UNC93A: variants seen among roughly 807,000 people sequenced by gnomAD.
UNC93A encodes the protein unc-93 homolog A.
UNC93A carries 43 observed loss-of-function variants against 47.5 expected under a neutral mutation model. That is an observed-to-expected ratio of 0.91 (90% CI 0.71 to 1.17). UNC93A has a LOEUF of 1.17. Among genes scored for constraint, UNC93A ranks in the 50% most tolerant of loss-of-function variants. UNC93A has a pLI of 0.00. For synonymous variants in UNC93A, 280 were observed against 258.0 expected, an observed-to-expected ratio of 1.09 and a Z score of -0.82; for missense variants, 605 against 577.6, an observed-to-expected ratio of 1.05 and a Z score of -0.49.
chr6:167,291,496 A>G lies in UNC93A; in HGVS notation c.7A>G (p.Arg3Gly). The change falls in exon 1 of 8, where the codon AGA becomes GGA. Residue 3 changes from arginine to glycine, a missense_variant. Coordinates refer to ENST00000230256, the MANE Select transcript of UNC93A (RefSeq NM_018974.4). MDRSLRNVLVVSF... is the reference protein window; with the variant it reads MDGSLRNVLVVSF... Reference sequence around the variant, plus strand: ...GATCTTTTCATCCAGCACAATGGACAGAAGTCTAAGGAACGTCCTTGTGGT... The same window carrying G: ...GATCTTTTCATCCAGCACAATGGACGGAAGTCTAAGGAACGTCCTTGTGGT... The G allele has an allele frequency of 6.2e-7, 1 of 1,613,804 alleles. No individual in the cohort carries two copies. The highest frequency in any genetic ancestry group is 8.5e-7 in the Non-Finnish European group (1 of 1,179,900).
At chr6:167,297,888 C>T (rs1453207377) in intron 3 of UNC93A, 57 bp from the exon 4 acceptor site, 7 of 1,594,328 alleles carry the variant, frequency 4.4e-6, no homozygotes, top group African/African-American at 1.3e-5. Flanking sequence ...TCTCAAGAAC[C>T]TACATCTTGT....
chr6:167,285,938 TTCTCTCTCTC>T (rs138265267), intron 1 of UNC93A, among the ~76,000 whole-genome samples: 1 of 131,744 alleles, frequency 7.6e-6, no homozygotes, highest in Non-Finnish European at 1.6e-5. Context: ...TTAGTTTTCT[TTCTCTCTCTC>T]TCTCTCTCTC....
intron 1 of UNC93A, among the ~76,000 whole-genome samples, 154 bp from the exon 2 acceptor site, chr6:167,294,363 C>A (rs114726951): frequency 1.3e-5 from 2 of 152,178 alleles, no homozygotes; most frequent in African/African-American, 4.8e-5. Flanking sequence ...TTTCTCCCAC[C>A]AGCTTCAGAG....
chr6:167,309,852 C>A (rs144414505), intron 7 of UNC93A, among the ~76,000 whole-genome samples: 2,086 of 152,236 alleles, frequency 0.014, 65 homozygotes, highest in Admixed American at 0.086. Flanking sequence ...GCAGGTGGAC[C>A]TAGTGAAGCT....
At chr6:167,312,218 T>C (rs1778578209) in intron 7 of UNC93A, among the ~76,000 whole-genome samples, 1 of 151,086 alleles carries the variant, frequency 6.6e-6, no homozygotes, top group Admixed American at 6.6e-5. Flanking sequence ...GGCACTTTCT[T>C]GTCCCGTCAT....
chr6:167,312,875 C>T (rs990865840), intron 7 of UNC93A, among the ~76,000 whole-genome samples: 1 of 152,202 alleles, frequency 6.6e-6, no homozygotes, highest in Non-Finnish European at 1.5e-5. Context: ...CCCTGAAAAG[C>T]CTGAGTTTAA....
At chr6:167,301,344 G>C (rs1009593) in intron 4 of UNC93A, among the ~76,000 whole-genome samples, 45,687 of 152,042 alleles carry the variant, frequency 0.3, 6,919 homozygotes, top group Admixed American at 0.37. Context: ...ATGAAGAAGT[G>C]GTCTTACTAT....
chr6:167,304,648 G>T (rs987032538), intron 5 of UNC93A, among the ~76,000 whole-genome samples: 1 of 151,508 alleles, frequency 6.6e-6, no homozygotes, highest in South Asian at 2.1e-4. Context: ...TCAGCTCACC[G>T]CAACCTCTGC....
At chr6:167,308,377 A>T (rs3736678) in intron 7 of UNC93A, among the ~76,000 whole-genome samples, 2 of 151,876 alleles carry the variant, frequency 1.3e-5, no homozygotes, top group African/African-American at 2.4e-5. Context: ...AGCCACACAC[A>T]TCACAGGTCA....
In UNC93A at chr6:167,307,829, C is replaced by G; in HGVS notation, c.1027C>G (p.Arg343Gly). ...GATTGCCCTACTGCTGTGGAGACCT[C>G]GTGCTGACCATCTGGCAGTGTTCTT... Reference protein sequence around the residue: ...CMIALLLWRPRADHLAVFFVF... With the variant: ...CMIALLLWRPGADHLAVFFVF... The change falls in exon 7 of 8, where the codon CGT (arginine) becomes GGT (glycine). Residue 343 changes from arginine to glycine, a missense_variant. Physicochemically the swap from Arg to Gly is moderately radical, Grantham distance 125 (BLOSUM62 -2). Coordinates refer to ENST00000230256, the MANE Select transcript of UNC93A (RefSeq NM_018974.4). 1.2e-6 allele frequency: 2 copies of G among 1,614,116 alleles called. No individual in the cohort carries two copies. The highest frequency in any genetic ancestry group is 1.7e-6 in the Non-Finnish European group (2 of 1,179,972).
At chr6:167,287,813 T>C (rs1376982551), upstream of UNC93A, among the ~76,000 whole-genome samples, 2 of 152,086 alleles carry the variant, frequency 1.3e-5, no homozygotes, top group African/African-American at 4.8e-5. Flanking sequence ...CCCCTGACTA[T>C]GAGAGTGGAA....
chr6:167,273,896 G>A (rs1783494565), intron 1 of UNC93A, among the ~76,000 whole-genome samples: 1 of 152,054 alleles, frequency 6.6e-6, no homozygotes, highest in Non-Finnish European at 1.5e-5. Context: ...CTATGCTGAT[G>A]CAGCCTCCAG....
intron 7 of UNC93A, 110 bp from the exon 8 acceptor site, chr6:167,315,077 T>C: frequency 6.8e-7 from 1 of 1,473,022 alleles, no homozygotes; most frequent in Non-Finnish European, 9.1e-7. Flanking sequence ...AAAAGAAAAA[T>C]GTCTTGATTT....
chr6:167,291,566 A>C lies in UNC93A; in HGVS notation c.77A>C (p.Gln26Pro), dbSNP rs1024702856. ...CTCTTTACAGCCTATGGAGGTCTGC[A>C]GAGCCTGCAGGTATGTGTGTCCGGT... ...LLLFTAYGGLQSLQSSLYSEE... is the reference protein window; with the variant it reads ...LLLFTAYGGLPSLQSSLYSEE... The change falls in exon 1 of 8, where the codon CAG becomes CCG. Residue 26 changes from glutamine (Q) to proline (P), a missense_variant. Coordinates refer to ENST00000230256, the MANE Select transcript of UNC93A (RefSeq NM_018974.4). 1 of 1,612,944 alleles carries C rather than the reference A, an allele frequency of 6.2e-7. No individual in the cohort carries two copies. The highest frequency in any genetic ancestry group is 1.3e-5 in the African/African-American group (1 of 74,986).
In UNC93A at chr6:167,294,128, A is replaced by G. The variant is rs191991456; in HGVS notation, c.88-389A>G. 4.3e-4 allele frequency among the ~76,000 whole-genome samples: 66 copies of G among 152,216 alleles called. 1 individual carries two copies. In the South Asian group the frequency reaches 5.8e-3, roughly 13 times the overall value. On this transcript the variant is annotated intron_variant, in intron 1 of 7. Transcript: ENST00000230256. ...CCCCATGGGCTGAAGGACCCCTTAC[A>G]TTCCCTGGGAGCACGCAGGCTCCTC...
At chr6:167,292,035 T>C (rs998319698) in intron 1 of UNC93A, among the ~76,000 whole-genome samples, 44 of 152,312 alleles carry the variant, frequency 2.9e-4, no homozygotes, top group African/African-American at 1.0e-3. Flanking sequence ...GATCTCTCTA[T>C]ACTTTGAACT....
Position 167,296,071 on chromosome 6 carries a change from G to A in UNC93A, c.309G>A (p.Gly103=). 1 of 1,614,184 alleles carries A rather than the reference G, an allele frequency of 6.2e-7. No individual in the cohort carries two copies. The highest frequency in any genetic ancestry group is 8.5e-7 in the Non-Finnish European group (1 of 1,180,044). The change falls in exon 3 of 8, where the codon GGG becomes GGA. Residue 103 remains glycine (G), a synonymous_variant. Coordinates refer to ENST00000230256, the MANE Select transcript of UNC93A (RefSeq NM_018974.4). ...LIPTSILLGL[G]AAPLWSAQCT... is the part of the protein sequence containing the mutation. ...CCACCTCCATACTGCTGGGACTCGG[G>A]GCCGCCCCGCTGTGGTCTGCACAGT...
At chr6:167,270,472 A>AAGG (rs920069113), upstream of UNC93A, among the ~76,000 whole-genome samples, 5 of 151,992 alleles carry the variant, frequency 3.3e-5, no homozygotes, top group Non-Finnish European at 7.4e-5. Flanking sequence ...CCCCATCACG[A>AAGG]AGGACATGGG....
chr6:167,293,482 T>G (rs1447694973), intron 1 of UNC93A, among the ~76,000 whole-genome samples: 1 of 152,142 alleles, frequency 6.6e-6, no homozygotes, highest in African/African-American at 2.4e-5. Flanking sequence ...TCTCTGCTAC[T>G]CAGGACTGGC....
Sources: gnomAD v4.1 joint callset for allele counts (sites outside exome capture counted in the v4.1 genomes callset) on GRCh38, gnomAD v4.1.1 for gene constraint, MANE v1.5 for transcripts, NCBI Gene and HGNC (gene_info 2026-07-23, HGNC 2026-07-21) for gene names.